The following SCRG1 variants were observed in gnomAD, a reference collection of about 807,000 sequenced individuals.
SCRG1 encodes the protein stimulator of chondrogenesis 1.
Under a neutral mutation model 7.7 loss-of-function variants are expected in SCRG1, and 3 were observed. The observed-to-expected ratio is 0.39, with a 90% confidence interval of 0.18 to 1.01. SCRG1 has a LOEUF of 1.01. Ranked by LOEUF, SCRG1 falls within the 50% of genes least tolerant of loss-of-function variation. The probability of loss-of-function intolerance (pLI) is 0.36; values close to 1 mark genes in which losing one functional copy is unlikely to be tolerated. For synonymous variants in SCRG1, 46 were observed against 41.2 expected (o/e 1.12, Z -0.44); for missense variants, 110 against 117.2 (o/e 0.94, Z 0.28).
At chr4:173,505,927 C>T in the SCRG1 span, among the ~76,000 whole-genome samples, 1 of 152,178 alleles carries the variant, frequency 6.6e-6, no homozygotes, top group Admixed American at 6.5e-5. This position sits in a 1 kb window ranked among gnomAD's most constrained non-coding sequence, Gnocchi z 4.4. Context: ...AAACCTCTGA[C>T]AAGTGGAGAA....
the SCRG1 span, chr4:173,419,961 C>T: frequency 2.8e-6 from 2 of 716,724 alleles, no homozygotes; most frequent in Admixed American, 3.6e-5. Flanking sequence ...CGGGCATAAG[C>T]AACCTGACAA....
In SCRG1 at chr4:173,386,449, T is replaced by C; in HGVS notation, c.*1892A>G. The C allele has an allele frequency of 6.6e-6, 1 of 152,068 alleles. No individual in the cohort carries two copies. The highest frequency in any genetic ancestry group is 1.5e-5 in the Non-Finnish European group (1 of 68,072). The allele number at this position is 152,068 out of a possible 1,614,324, so 9.4% of individuals were successfully genotyped here. A position where few individuals can be genotyped will look rare whatever the true frequency, so the allele number is the denominator to read the frequency against. Reference sequence around the variant, plus strand: ...AGGCGTGAGCCACCGCACCCAGCCGTGTTTATATACACTTTAAGACACTGA... The same window carrying C: ...AGGCGTGAGCCACCGCACCCAGCCGCGTTTATATACACTTTAAGACACTGA... On this transcript the variant is annotated 3_prime_UTR_variant, in exon 3 of 3. Coordinates refer to ENST00000296506, the MANE Select transcript of SCRG1 (RefSeq NM_007281.4).
At chr4:173,409,975 T>C (rs2126927472), upstream of SCRG1, among the ~76,000 whole-genome samples, 1 of 152,304 alleles carries the variant, frequency 6.6e-6, no homozygotes, top group East Asian at 1.9e-4. Flanking sequence ...TTACAATGGA[T>C]GTTCTTTTCA....
intron 1 of SCRG1, among the ~76,000 whole-genome samples, chr4:173,404,703 A>G (rs756640503): frequency 3.4e-4 from 52 of 152,260 alleles, no homozygotes; most frequent in Non-Finnish European, 4.3e-4. Context: ...ACTGATCACT[A>G]TTTCTTCAAG....
the SCRG1 span, among the ~76,000 whole-genome samples, chr4:173,449,140 C>T: frequency 2.6e-5 from 4 of 152,208 alleles, no homozygotes; most frequent in Admixed American, 6.5e-5. Context: ...GCTGACAACA[C>T]TCTCACTTTC....
At chr4:173,402,974 CT>C (rs1326800591), upstream of SCRG1, 2 of 152,168 alleles carry the variant, frequency 1.3e-5, no homozygotes, top group Non-Finnish European at 2.9e-5. Context: ...AAGAAACAAG[CT>C]ATTTTACTAA....
the SCRG1 span, among the ~76,000 whole-genome samples, chr4:173,460,642 T>A: frequency 6.6e-6 from 1 of 152,262 alleles, no homozygotes; most frequent in South Asian, 2.1e-4. Flanking sequence ...GAAGAGCCCT[T>A]GGGCCCTAAA....
chr4:173,399,985 G>A (rs997956354), upstream of SCRG1, among the ~76,000 whole-genome samples: 1 of 152,272 alleles, frequency 6.6e-6, no homozygotes, highest in Non-Finnish European at 1.5e-5. Context: ...AACCAAAGGT[G>A]GTAGGAGATG....
At chr4:173,399,838 A>G (rs893859046), upstream of SCRG1, among the ~76,000 whole-genome samples, 2 of 152,218 alleles carry the variant, frequency 1.3e-5, no homozygotes, top group African/African-American at 4.8e-5. Context: ...TGGGAATTAG[A>G]GATATTATAT....
the SCRG1 span, among the ~76,000 whole-genome samples, chr4:173,510,115 G>T: frequency 6.6e-6 from 1 of 152,128 alleles, no homozygotes. This position sits in a 1 kb window ranked among gnomAD's most constrained non-coding sequence, Gnocchi z 5.7. Flanking sequence ...TCCTAATGGC[G>T]TTTCAGGGCC....
the SCRG1 span, among the ~76,000 whole-genome samples, chr4:173,479,780 A>G: frequency 6.6e-6 from 1 of 151,916 alleles, no homozygotes; most frequent in Non-Finnish European, 1.5e-5. Flanking sequence ...TAGGGAACTC[A>G]GTATTTGCAT....
the SCRG1 span, among the ~76,000 whole-genome samples, chr4:173,443,273 A>C: frequency 6.6e-6 from 1 of 152,210 alleles, no homozygotes; most frequent in Non-Finnish European, 1.5e-5. Context: ...GACTTGTATC[A>C]ACAAAGCTGG....
At chr4:173,423,719 C>G in the SCRG1 span, among the ~76,000 whole-genome samples, 1 of 150,376 alleles carries the variant, frequency 6.6e-6, no homozygotes, top group Non-Finnish European at 1.5e-5. Flanking sequence ...TGTAATACCT[C>G]TGATGGAACC....
the SCRG1 span, among the ~76,000 whole-genome samples, chr4:173,457,915 G>A: frequency 6.6e-6 from 1 of 152,076 alleles, no homozygotes; most frequent in Non-Finnish European, 1.5e-5. Flanking sequence ...CTGTTTTCTT[G>A]TTCCCTGAGA....
At chr4:173,480,256 C>G in the SCRG1 span, among the ~76,000 whole-genome samples, 2 of 152,104 alleles carry the variant, frequency 1.3e-5, no homozygotes, top group African/African-American at 2.4e-5. Context: ...ACAAGTTAAG[C>G]CACTTTAAAG....
At chr4:173,511,258 G>A in the SCRG1 span, among the ~76,000 whole-genome samples, 4 of 152,080 alleles carry the variant, frequency 2.6e-5, no homozygotes, top group Admixed American at 1.3e-4. The surrounding 1 kb of genome is among the most constrained non-coding windows in gnomAD (Gnocchi z 5.2). Flanking sequence ...GATTACAGGC[G>A]TGAGCCACCG....
the SCRG1 span, among the ~76,000 whole-genome samples, chr4:173,515,024 C>A: frequency 6.6e-6 from 1 of 152,146 alleles, no homozygotes; most frequent in Non-Finnish European, 1.5e-5. This position sits in a 1 kb window ranked among gnomAD's most constrained non-coding sequence, Gnocchi z 4.6. Context: ...CCAAAGGGCA[C>A]TCATTTATGT....
upstream of SCRG1, among the ~76,000 whole-genome samples, chr4:173,409,241 G>A (rs575500146): frequency 6.6e-6 from 1 of 152,226 alleles, no homozygotes; most frequent in East Asian, 1.9e-4. Flanking sequence ...CAAGTCACAT[G>A]TTATGATACA....
the SCRG1 span, among the ~76,000 whole-genome samples, chr4:173,518,898 T>C: frequency 1.6e-5 from 2 of 128,104 alleles, no homozygotes; most frequent in African/African-American, 6.0e-5. Context: ...TGCTCAGGAG[T>C]GTTTGGCCCG....
Sources: allele counts gnomAD v4.1 joint callset (sites outside exome capture counted in the v4.1 genomes callset), GRCh38; gene constraint gnomAD v4.1.1; non-coding constraint Gnocchi (gnomAD v3.1); transcripts MANE v1.5; gene names NCBI Gene and HGNC (gene_info 2026-07-23, HGNC 2026-07-21).